Variants in SGCZ observed in about 807,000 individuals in gnomAD.
The protein encoded by SGCZ is sarcoglycan zeta.
In SGCZ, 40 loss-of-function variants were observed where a neutral mutation model predicts 41.3. The observed-to-expected ratio is 0.97, with a 90% confidence interval of 0.75 to 1.26. The LOEUF (loss-of-function observed/expected upper bound fraction) is 1.26, where lower values mean the gene tolerates loss of function less well. Ranked by LOEUF, SGCZ falls within the 50% of genes most tolerant of loss-of-function variation. SGCZ has a pLI of 0.00. For missense variants in SGCZ, 552 were observed against 369.8 expected, an observed-to-expected ratio of 1.49 and a Z score of -4.04; for synonymous variants, 206 against 137.5, an observed-to-expected ratio of 1.50 and a Z score of -3.49.
At chr8:15,060,394 T>C (rs1804877863) in intron 1 of SGCZ, among the ~76,000 whole-genome samples, 1 of 151,512 alleles carries the variant, frequency 6.6e-6, no homozygotes, top group Non-Finnish European at 1.5e-5. Flanking sequence ...CTGGAAACCA[T>C]CATTCTCAGC....
At chr8:15,053,392 TC>T (rs1228264313) in intron 1 of SGCZ, among the ~76,000 whole-genome samples, 7 of 152,138 alleles carry the variant, frequency 4.6e-5, no homozygotes, top group Non-Finnish European at 1.0e-4. Flanking sequence ...CCTCTCCTCT[TC>T]CGTAGTTGAT....
At position 14,183,025 on chromosome 8, in the gene SGCZ, A is replaced by G. The variant is rs1170824315; in HGVS notation, c.425-18323T>C. Among the ~76,000 whole-genome samples the G allele has an allele frequency of 3.9e-5, 6 of 152,118 alleles. No homozygotes were observed. The East Asian group carries it at 7.7e-4, about 20-fold the overall frequency. On this transcript the variant is annotated intron_variant, in intron 4 of 7. Coordinates refer to ENST00000382080, the MANE Select transcript of SGCZ (RefSeq NM_139167.4). ...AAACTCCGTCTCAAAAAAAAAAAAA[A>G]AAAAAATTACTAATGTGTCGTAAAG...
chr8:14,991,725 C>G (rs895985311), intron 1 of SGCZ, among the ~76,000 whole-genome samples: 3 of 150,836 alleles, frequency 2.0e-5, no homozygotes, highest in African/African-American at 7.3e-5. Context: ...ATTAGCGTTT[C>G]CCTTAATACT....
chr8:14,312,990 T>C (rs1043748766), intron 3 of SGCZ, among the ~76,000 whole-genome samples: 1 of 152,192 alleles, frequency 6.6e-6, no homozygotes, highest in Non-Finnish European at 1.5e-5. Context: ...ATTGTAGGAA[T>C]TTCCCAGTGG....
At chr8:14,582,657 C>T (rs189404575) in intron 1 of SGCZ, among the ~76,000 whole-genome samples, 2 of 111,076 alleles carry the variant, frequency 1.8e-5, no homozygotes, top group Non-Finnish European at 3.5e-5. Context: ...ATCCCTCCCC[C>T]CTCCCCCCAC....
At chr8:15,201,132 T>C (rs113874437) in intron 1 of SGCZ, among the ~76,000 whole-genome samples, 7,362 of 152,238 alleles carry the variant, frequency 0.048, 229 homozygotes, top group Middle Eastern at 0.068. Context: ...TTCTCCCACA[T>C]CAGCCTGCAG....
intron 1 of SGCZ, among the ~76,000 whole-genome samples, chr8:15,018,649 A>T (rs1803134325): frequency 6.6e-6 from 1 of 152,186 alleles, no homozygotes; most frequent in South Asian, 2.1e-4. Flanking sequence ...GGGAGAAGGT[A>T]AGTGATGAAG....
chr8:14,300,978 G>T (rs547627994), intron 3 of SGCZ, among the ~76,000 whole-genome samples: 1 of 152,028 alleles, frequency 6.6e-6, no homozygotes, highest in South Asian at 2.1e-4. Context: ...AACCAGAAAA[G>T]ATATAGCCAG....
intron 1 of SGCZ, among the ~76,000 whole-genome samples, chr8:15,148,704 G>A (rs1226362644): frequency 1.3e-5 from 2 of 152,196 alleles, no homozygotes; most frequent in Non-Finnish European, 2.9e-5. Flanking sequence ...AGGTGACACT[G>A]ATACGAGTTC....
At chr8:14,129,824 C>T (rs1363030634) in intron 5 of SGCZ, among the ~76,000 whole-genome samples, 6 of 151,756 alleles carry the variant, frequency 4.0e-5, no homozygotes, top group Non-Finnish European at 7.4e-5. Context: ...AAACATTGCC[C>T]AGAGAAATGA....
intron 2 of SGCZ, among the ~76,000 whole-genome samples, chr8:14,476,651 T>A (rs11985809): frequency 0.054 from 8,200 of 152,188 alleles, 716 homozygotes; most frequent in African/African-American, 0.18. Flanking sequence ...TTTCTATGTT[T>A]CAAATTCTAC....
chr8:14,767,188 C>A, intron 1 of SGCZ, among the ~76,000 whole-genome samples: 1 of 152,128 alleles, frequency 6.6e-6, no homozygotes, highest in East Asian at 1.9e-4. Flanking sequence ...TGACATGGCA[C>A]AAGGTCTATC....
Position 15,141,908 on chromosome 8 carries a change from AAC to A in SGCZ, c.39+95675_39+95676del, listed in dbSNP as rs771505729. Among the ~76,000 whole-genome samples, 1,225 of 150,710 alleles carry A rather than the reference AAC, an allele frequency of 8.1e-3. 10 individuals are homozygous for A. The highest frequency in any genetic ancestry group is 0.033 in the East Asian group (169 of 5,100). ...GTGTGAGACTCTCAAAAAAAAAAAA[AAC>A]AAAAAAAATGAGAACCTCAGTGAAA... On this transcript the variant is annotated intron_variant, in intron 1 of 7. Transcript: ENST00000382080.
At chr8:14,753,742 C>T (rs569138431) in intron 1 of SGCZ, among the ~76,000 whole-genome samples, 1 of 152,292 alleles carries the variant, frequency 6.6e-6, no homozygotes, top group Non-Finnish European at 1.5e-5. Flanking sequence ...AGGACTCATT[C>T]TGTGAGCTCT....
intron 1 of SGCZ, among the ~76,000 whole-genome samples, chr8:14,632,077 G>C (rs1806673908): frequency 1.3e-5 from 2 of 151,936 alleles, no homozygotes; most frequent in Non-Finnish European, 2.9e-5. Flanking sequence ...AGAGTGCAGT[G>C]GCACAATCAC....
At chr8:14,965,128 G>C (rs145355344) in intron 1 of SGCZ, among the ~76,000 whole-genome samples, 4 of 152,034 alleles carry the variant, frequency 2.6e-5, no homozygotes, top group Non-Finnish European at 4.4e-5. Context: ...CCCGATACTC[G>C]AGAGGGGATC....
intron 1 of SGCZ, among the ~76,000 whole-genome samples, chr8:15,038,266 C>G (rs1040151335): frequency 1.8e-4 from 28 of 151,964 alleles, no homozygotes; most frequent in African/African-American, 6.5e-4. Flanking sequence ...ACTCATAGAC[C>G]AATGGAGTAA....
intron 4 of SGCZ, among the ~76,000 whole-genome samples, chr8:14,180,943 G>C (rs1180089014): frequency 6.6e-6 from 1 of 151,932 alleles, no homozygotes; most frequent in Non-Finnish European, 1.5e-5. Flanking sequence ...ATACTTGATA[G>C]AAATCTAAGA....
intron 1 of SGCZ, among the ~76,000 whole-genome samples, chr8:15,176,493 G>C (rs1034597895): frequency 6.6e-5 from 10 of 151,920 alleles, no homozygotes; most frequent in Non-Finnish European, 1.2e-4. Context: ...ATACCAAGCG[G>C]TTTTCCAAAA....
Sources: gnomAD v4.1 joint callset for allele counts (sites outside exome capture counted in the v4.1 genomes callset) on GRCh38, gnomAD v4.1.1 for gene constraint, MANE v1.5 for transcripts, NCBI Gene and HGNC (gene_info 2026-07-23, HGNC 2026-07-21) for gene names.